MTCL3: variants seen among roughly 807,000 people sequenced by gnomAD.
MTCL3 encodes the protein microtubule cross-linking factor 3.
the MTCL3 span, chr6:127,481,294 A>G: frequency 1.0e-6 from 1 of 985,282 alleles, no homozygotes; most frequent in Non-Finnish European, 1.2e-6. Context: ...TCACAACAAA[A>G]TATTTAGAGT....
chr6:127,497,117 C>T, the MTCL3 span, among the ~76,000 whole-genome samples: 2 of 152,074 alleles, frequency 1.3e-5, no homozygotes, highest in Non-Finnish European at 2.9e-5. Context: ...TGTTGCACAA[C>T]GTGGAAGTTT....
At chr6:127,513,342 C>G in the MTCL3 span, among the ~76,000 whole-genome samples, 1 of 152,186 alleles carries the variant, frequency 6.6e-6, no homozygotes, top group Non-Finnish European at 1.5e-5. Context: ...GCTAAGAGGC[C>G]TGGCAATCTG....
At chr6:127,506,044 A>T in the MTCL3 span, among the ~76,000 whole-genome samples, 20 of 152,208 alleles carry the variant, frequency 1.3e-4, no homozygotes, top group Non-Finnish European at 2.6e-4. Context: ...ACATATTAAA[A>T]ACTGAGGCCT....
the MTCL3 span, among the ~76,000 whole-genome samples, chr6:127,484,440 T>A: frequency 6.6e-6 from 1 of 152,002 alleles, no homozygotes; most frequent in Non-Finnish European, 1.5e-5. Context: ...AAAAAGTAAT[T>A]TAGGAAGTAA....
the MTCL3 span, among the ~76,000 whole-genome samples, chr6:127,487,501 C>G: frequency 1.3e-5 from 2 of 152,208 alleles, no homozygotes; most frequent in African/African-American, 4.8e-5. Context: ...GGTAGAAGCT[C>G]TGTCTCCAAC....
the MTCL3 span, among the ~76,000 whole-genome samples, chr6:127,509,563 G>A: frequency 6.6e-6 from 1 of 152,050 alleles, no homozygotes; most frequent in Non-Finnish European, 1.5e-5. Context: ...ATGATTTTTT[G>A]ACTTTACTCT....
At chr6:127,516,977 A>C in the MTCL3 span, among the ~76,000 whole-genome samples, 1 of 152,214 alleles carries the variant, frequency 6.6e-6, no homozygotes, top group Non-Finnish European at 1.5e-5. Flanking sequence ...GGTGAGATAC[A>C]GAGTCAGACA....
chr6:127,514,871 G>C, the MTCL3 span: 4 of 1,614,000 alleles, frequency 2.5e-6, no homozygotes, highest in Non-Finnish European at 3.4e-6. Context: ...CGATTTCCCC[G>C]GTCTGGGCGT....
At chr6:127,477,731 G>C in the MTCL3 span, among the ~76,000 whole-genome samples, 4 of 152,192 alleles carry the variant, frequency 2.6e-5, no homozygotes, top group Non-Finnish European at 4.4e-5. Context: ...TGAAGGGTTT[G>C]AGAGCTGCTG....
chr6:127,486,271 T>C, the MTCL3 span, among the ~76,000 whole-genome samples: 1 of 152,222 alleles, frequency 6.6e-6, no homozygotes, highest in Non-Finnish European at 1.5e-5. Context: ...TGAATAAAGA[T>C]ACATTAGCTT....
chr6:127,518,993 A>G, the MTCL3 span: 1 of 142,748 alleles, frequency 7.0e-6, no homozygotes, highest in African/African-American at 2.5e-5. Flanking sequence ...GGTAGAAGTA[A>G]CCAAAGAGAG....
At chr6:127,491,878 CAAAA>C in the MTCL3 span, among the ~76,000 whole-genome samples, 4 of 60,772 alleles carry the variant, frequency 6.6e-5, no homozygotes, top group Admixed American at 1.7e-4. Context: ...GACCCTGTCT[CAAAA>C]AAAAAAAAAA....
chr6:127,516,769 T>A, the MTCL3 span: 1 of 1,305,482 alleles, frequency 7.7e-7, no homozygotes, highest in Non-Finnish European at 1.0e-6. Flanking sequence ...AAGGGTGATA[T>A]TGCTCCATTT....
chr6:127,512,977 C>G, the MTCL3 span: 1 of 1,611,848 alleles, frequency 6.2e-7, no homozygotes, highest in Non-Finnish European at 8.5e-7. Flanking sequence ...TCATTTTCAT[C>G]TTCTGTTGTT....
the MTCL3 span, among the ~76,000 whole-genome samples, chr6:127,508,022 T>C: frequency 6.6e-6 from 1 of 152,136 alleles, no homozygotes; most frequent in Non-Finnish European, 1.5e-5. Context: ...ATGACTAAAA[T>C]AATAATGTGT....
chr6:127,489,819 A>C, the MTCL3 span, among the ~76,000 whole-genome samples: 1 of 152,256 alleles, frequency 6.6e-6, no homozygotes, highest in East Asian at 1.9e-4. Flanking sequence ...TCCATAGCAC[A>C]AAAGGGCAAG....
the MTCL3 span, among the ~76,000 whole-genome samples, chr6:127,514,449 C>A: frequency 6.6e-6 from 1 of 152,212 alleles, no homozygotes; most frequent in Non-Finnish European, 1.5e-5. Flanking sequence ...CTCCTGACTG[C>A]CCGATTCCAC....
the MTCL3 span, among the ~76,000 whole-genome samples, chr6:127,495,567 A>T: frequency 2.5e-4 from 38 of 152,230 alleles, no homozygotes; most frequent in African/African-American, 8.9e-4. Flanking sequence ...AATATGCTTG[A>T]ATGTGCCATT....
the MTCL3 span, chr6:127,518,817 G>A: frequency 3.9e-5 from 6 of 152,246 alleles, no homozygotes; most frequent in African/African-American, 2.4e-5. Flanking sequence ...CCCCCAGAGC[G>A]GGTGACTTCC....
Sources: allele counts gnomAD v4.1 joint callset (sites outside exome capture counted in the v4.1 genomes callset), GRCh38; gene constraint gnomAD v4.1.1; transcripts MANE v1.5; gene names NCBI Gene and HGNC (gene_info 2026-07-23, HGNC 2026-07-21).